PREX2: variants seen among roughly 807,000 people sequenced by gnomAD.
The protein encoded by PREX2 is phosphatidylinositol-3,4,5-trisphosphate dependent Rac exchange factor 2.
Under a neutral mutation model 203.2 loss-of-function variants are expected in PREX2, and 107 were observed. That is an observed-to-expected ratio of 0.53 (90% CI 0.45 to 0.62). The LOEUF is 0.62. PREX2 is among the 20% of genes least tolerant of loss of function. The pLI, the probability that PREX2 is intolerant of heterozygous loss-of-function variation, is 0.00. For missense variants in PREX2, 1,777 were observed against 1,955.9 expected, an observed-to-expected ratio of 0.91 and a Z score of 1.72; for synonymous variants, 672 against 663.6, an observed-to-expected ratio of 1.01 and a Z score of -0.19.
Position 67,975,687 on chromosome 8 carries a change from TCTCTTTC to T in PREX2, c.141+23153_141+23159del, listed in dbSNP as rs1254841363. On this transcript the variant is annotated intron_variant, in intron 1 of 39. Coordinates refer to ENST00000288368, the MANE Select transcript of PREX2 (RefSeq NM_024870.4). The stretch of plus-strand genomic sequence containing the variant: ...ATATTTATCAGGATAGTAACTGATT[TCTCTTTC>T]TTTTTTTTTTTTTTTTTTTTTTTTT... Among the ~76,000 whole-genome samples, 4 of 105,430 alleles carry T rather than the reference TCTCTTTC, an allele frequency of 3.8e-5. 1 individual carries two copies. The South Asian group carries it at 1.1e-3, about 28-fold the overall frequency. 69.2% of individuals were successfully genotyped at this position (105,430 alleles called of 152,430 possible).
At chr8:68,141,997 C>T (rs1585824411) in intron 33 of PREX2, among the ~76,000 whole-genome samples, 1 of 152,072 alleles carries the variant, frequency 6.6e-6, no homozygotes, top group East Asian at 1.9e-4. Flanking sequence ...GTTTTAGGTT[C>T]ACAGCAAAAT....
At chr8:68,108,509 A>G (rs1197013696) in intron 24 of PREX2, among the ~76,000 whole-genome samples, 178 bp downstream of exon 24, 1 of 152,228 alleles carries the variant, frequency 6.6e-6, no homozygotes, top group African/African-American at 2.4e-5. Flanking sequence ...TACTGAATGA[A>G]AATGGAGTTA....
intron 1 of PREX2, among the ~76,000 whole-genome samples, chr8:67,978,685 A>G (rs530906406): frequency 2.0e-4 from 31 of 152,158 alleles, no homozygotes; most frequent in Admixed American, 7.2e-4. Flanking sequence ...TGGTAAATGT[A>G]TGCACACTTT....
At chr8:67,990,440 A>G (rs1806563027) in intron 1 of PREX2, among the ~76,000 whole-genome samples, 1 of 150,998 alleles carries the variant, frequency 6.6e-6, no homozygotes, top group African/African-American at 2.4e-5. Flanking sequence ...TCTGATTTAC[A>G]TGGTCTTGGA....
intron 32 of PREX2, among the ~76,000 whole-genome samples, chr8:68,137,841 A>G (rs541289513): frequency 1.1e-3 from 175 of 152,320 alleles, no homozygotes; most frequent in African/African-American, 4.1e-3. Flanking sequence ...GTTACTCACA[A>G]GATTCTAGAC....
intron 1 of PREX2, among the ~76,000 whole-genome samples, chr8:68,004,537 CTGTT>C (rs1379870584): frequency 6.6e-6 from 1 of 152,210 alleles, no homozygotes; most frequent in African/African-American, 2.4e-5. Context: ...AAAATCAAAA[CTGTT>C]TGTATTTCTT....
At chr8:68,075,140 C>A (rs940364702) in intron 14 of PREX2, among the ~76,000 whole-genome samples, 16 of 152,144 alleles carry the variant, frequency 1.1e-4, no homozygotes, top group African/African-American at 3.9e-4. Flanking sequence ...TCTTACTGTG[C>A]TTTTTCTAAA....
In PREX2 at chr8:67,956,039, G is replaced by C. The variant is rs571383982; in HGVS notation, c.141+3504G>C. Among the ~76,000 whole-genome samples the C allele has an allele frequency of 2.6e-5, 4 of 152,296 alleles. No individual in the cohort carries two copies. The East Asian group carries it at 7.7e-4, about 29-fold the overall frequency. On this transcript the variant is annotated intron_variant, in intron 1 of 39. Transcript: ENST00000288368. ...AAATTTTTGTTTGAGATCATGGATA[G>C]GTTACACTATCTAGATTAATTATTT...
intron 20 of PREX2, among the ~76,000 whole-genome samples, chr8:68,091,726 C>T (rs1809880453): frequency 6.6e-6 from 1 of 152,208 alleles, no homozygotes; most frequent in Non-Finnish European, 1.5e-5. Flanking sequence ...TGTTTAAAGT[C>T]TCATCGGAAA....
chr8:68,026,259 A>G (rs1807712517), intron 4 of PREX2, among the ~76,000 whole-genome samples: 1 of 152,088 alleles, frequency 6.6e-6, no homozygotes, highest in African/African-American at 2.4e-5. Flanking sequence ...AGGACAGCAG[A>G]AAATTGTTCT....
At position 68,087,814 on chromosome 8, in the gene PREX2, G is replaced by T; in HGVS notation, c.2113+5G>T. 6.2e-7 allele frequency: 1 copy of T among 1,606,114 alleles called. No individual in the cohort carries two copies. The highest frequency in any genetic ancestry group is 8.5e-7 in the Non-Finnish European group (1 of 1,172,760). ...TTGTGCATGCTGTAGGAAGAGGTAGGAAATTCGTCTTGCAGGGAAACAGCT... is the reference window on the plus strand; with the variant it reads ...TTGTGCATGCTGTAGGAAGAGGTAGTAAATTCGTCTTGCAGGGAAACAGCT... On this transcript the variant is annotated splice_donor_5th_base_variant and intron_variant, in intron 19 of 39. Transcript: ENST00000288368.
chr8:68,183,128 A>G (rs1812117217), intron 35 of PREX2, among the ~76,000 whole-genome samples: 1 of 152,058 alleles, frequency 6.6e-6, no homozygotes, highest in Non-Finnish European at 1.5e-5. Flanking sequence ...GCACCGGAGA[A>G]ATTTAAATGA....
intron 23 of PREX2, chr8:68,103,629 C>G (rs758922487): frequency 1.9e-6 from 1 of 519,150 alleles, no homozygotes; most frequent in South Asian, 1.4e-5. Context: ...TCCAGTGGGC[C>G]TCTTCTTCCC....
intron 34 of PREX2, among the ~76,000 whole-genome samples, chr8:68,155,462 C>G (rs1299197007): frequency 1.3e-5 from 2 of 152,030 alleles, no homozygotes; most frequent in African/African-American, 4.8e-5. Flanking sequence ...CTTCAGTGTT[C>G]TGGAATTCTG....
At chr8:67,986,851 A>G (rs540298706) in intron 1 of PREX2, among the ~76,000 whole-genome samples, 5 of 152,240 alleles carry the variant, frequency 3.3e-5, no homozygotes, top group Admixed American at 2.6e-4. Flanking sequence ...CACGAAAACC[A>G]AACTTAAAGA....
intron 23 of PREX2, among the ~76,000 whole-genome samples, chr8:68,107,262 A>G (rs537602191): frequency 1.3e-3 from 204 of 152,240 alleles, no homozygotes; most frequent in Non-Finnish European, 2.5e-3. Flanking sequence ...AACAGCCTGT[A>G]GAAAGGGTCA....
chr8:68,076,166 T>C (rs1465709939), intron 14 of PREX2, among the ~76,000 whole-genome samples: 2 of 152,102 alleles, frequency 1.3e-5, no homozygotes, highest in African/African-American at 4.8e-5. Context: ...TGTAAGAAAG[T>C]TTAATTCTGG....
chr8:68,176,893 A>G (rs896751482), intron 35 of PREX2: 3 of 152,154 alleles, frequency 2.0e-5, no homozygotes, highest in South Asian at 2.1e-4. Flanking sequence ...GCACGCAGAC[A>G]TGTTCCTGAG....
At chr8:68,071,557 A>G (rs1184053016) in intron 13 of PREX2, among the ~76,000 whole-genome samples, 2 of 152,062 alleles carry the variant, frequency 1.3e-5, no homozygotes, top group Non-Finnish European at 2.9e-5. Context: ...TCATTTTTTT[A>G]TGATCCAGGT....
Sources: gnomAD v4.1 joint callset for allele counts (sites outside exome capture counted in the v4.1 genomes callset) on GRCh38, gnomAD v4.1.1 for gene constraint, MANE v1.5 for transcripts, NCBI Gene and HGNC (gene_info 2026-07-23, HGNC 2026-07-21) for gene names.